Variants in CNTNAP2 observed in about 807,000 individuals in gnomAD.
The protein encoded by CNTNAP2 is contactin associated protein 2, also known as contactin-associated protein-like 2.
CNTNAP2 carries 98 observed loss-of-function variants against 155.2 expected under a neutral mutation model. The ratio of observed to expected loss-of-function variants is 0.63; its 90% CI spans 0.54 to 0.75. The LOEUF is 0.75. Ranked by LOEUF, CNTNAP2 falls within the 30% of genes least tolerant of loss-of-function variation. The pLI is 0.00. For missense variants in CNTNAP2, 1,727 were observed against 1,688.1 expected (o/e 1.02, Z -0.40); for synonymous variants, 651 against 631.2 (o/e 1.03, Z -0.47).
chr7:148,235,175 C>T lies in CNTNAP2; in HGVS notation c.3381+5396C>T, dbSNP rs192049555. 3.3e-3 allele frequency among the ~76,000 whole-genome samples: 498 copies of T among 152,242 alleles called. 2 individuals are homozygous for T. Among genetic ancestry groups the T allele is most frequent in the African/African-American group, 0.01 (436 of 41,540 alleles). On this transcript the variant is annotated intron_variant, in intron 20 of 23. Coordinates refer to ENST00000361727, the MANE Select transcript of CNTNAP2 (RefSeq NM_014141.6). ...TCTGTTCTTTAAAATAATATAAGCACGGTAATTTCTTACCTGCTACTAATC... is the reference window on the plus strand; with the variant it reads ...TCTGTTCTTTAAAATAATATAAGCATGGTAATTTCTTACCTGCTACTAATC...
intron 1 of CNTNAP2, among the ~76,000 whole-genome samples, chr7:146,609,716 A>G (rs1231483580): frequency 1.3e-5 from 2 of 152,232 alleles, no homozygotes; most frequent in Non-Finnish European, 2.9e-5. Flanking sequence ...TTTCTAGGTA[A>G]GTTTTATTCT....
intron 15 of CNTNAP2, among the ~76,000 whole-genome samples, chr7:148,114,109 G>A (rs1035086350): frequency 6.6e-6 from 1 of 152,152 alleles, no homozygotes; most frequent in Non-Finnish European, 1.5e-5. Context: ...TTGGTAGCAA[G>A]TACAAATTGC....
At chr7:147,505,983 A>G (rs2116678638) in intron 11 of CNTNAP2, among the ~76,000 whole-genome samples, 1 of 152,334 alleles carries the variant, frequency 6.6e-6, no homozygotes, top group Middle Eastern at 3.4e-3. Flanking sequence ...CGGCTCAAGC[A>G]TCACTTATCA....
chr7:147,834,696 T>C (rs1798606951), intron 13 of CNTNAP2, among the ~76,000 whole-genome samples: 1 of 152,124 alleles, frequency 6.6e-6, no homozygotes. Context: ...AGAATCACTT[T>C]CAATAGAAAA....
chr7:146,380,015 A>G (rs890590752), intron 1 of CNTNAP2, among the ~76,000 whole-genome samples: 2 of 152,218 alleles, frequency 1.3e-5, no homozygotes, highest in Non-Finnish European at 2.9e-5. Context: ...TTTTTCTAGA[A>G]CAAGAAAGTG....
In CNTNAP2 at chr7:148,294,298, A is replaced by T. The variant is rs535155294; in HGVS notation, c.3475+27172A>T. On this transcript the variant is annotated intron_variant, in intron 21 of 23. Coordinates refer to ENST00000361727, the MANE Select transcript of CNTNAP2 (RefSeq NM_014141.6). Reference sequence around the variant, plus strand: ...ATTGTCCTTTATTCATTCATTCAGAATATACTCTCTAAGCATCTATGTAAT... The same window carrying T: ...ATTGTCCTTTATTCATTCATTCAGATTATACTCTCTAAGCATCTATGTAAT... 5.9e-5 allele frequency among the ~76,000 whole-genome samples: 9 copies of T among 152,320 alleles called. No homozygotes were observed. The South Asian group carries it at 1.9e-3, about 32-fold the overall frequency.
At chr7:146,686,486 G>C (rs1402091355) in intron 1 of CNTNAP2, among the ~76,000 whole-genome samples, 1 of 152,042 alleles carries the variant, frequency 6.6e-6, no homozygotes, top group African/African-American at 2.4e-5. Flanking sequence ...ATATGTGCTA[G>C]CCACTGAGAT....
chr7:146,433,701 C>G (rs1294119541), intron 1 of CNTNAP2, among the ~76,000 whole-genome samples: 1 of 152,106 alleles, frequency 6.6e-6, no homozygotes, highest in Non-Finnish European at 1.5e-5. Context: ...GGTCCCTCAT[C>G]ACGCTGTGTT....
At chr7:146,937,275 C>T (rs559951582) in intron 3 of CNTNAP2, among the ~76,000 whole-genome samples, 20 of 150,778 alleles carry the variant, frequency 1.3e-4, no homozygotes, top group African/African-American at 4.1e-4. Flanking sequence ...CCTGTAGTCC[C>T]GGGAGGTGGA....
chr7:146,869,701 T>C (rs143770327), intron 3 of CNTNAP2, among the ~76,000 whole-genome samples: 204 of 152,104 alleles, frequency 1.3e-3, no homozygotes, highest in African/African-American at 4.5e-3. Flanking sequence ...CCAAAGAACT[T>C]GGGGTCTGAT....
intron 11 of CNTNAP2, among the ~76,000 whole-genome samples, chr7:147,493,313 C>T (rs1798641209): frequency 6.6e-6 from 1 of 152,164 alleles, no homozygotes; most frequent in African/African-American, 2.4e-5. Context: ...ATGGTATTAT[C>T]TAGTCAGGTT....
chr7:147,343,386 G>A (rs140552832), intron 9 of CNTNAP2, among the ~76,000 whole-genome samples: 9 of 152,116 alleles, frequency 5.9e-5, no homozygotes, highest in African/African-American at 1.7e-4. Context: ...TTTCCCCCTC[G>A]TAAAGCTGTG....
At chr7:147,967,405 G>C (rs2116850570) in intron 14 of CNTNAP2, among the ~76,000 whole-genome samples, 1 of 152,202 alleles carries the variant, frequency 6.6e-6, no homozygotes, top group African/African-American at 2.4e-5. Flanking sequence ...CTATTAACTG[G>C]TTGAATACCT....
chr7:148,097,847 A>G (rs908934483), intron 15 of CNTNAP2, among the ~76,000 whole-genome samples: 1 of 152,194 alleles, frequency 6.6e-6, no homozygotes, highest in Non-Finnish European at 1.5e-5. Context: ...AGGTGTCAAA[A>G]ACAGAGCAAA....
chr7:147,032,818 A>C (rs557174142), intron 3 of CNTNAP2, among the ~76,000 whole-genome samples: 10 of 152,140 alleles, frequency 6.6e-5, no homozygotes, highest in Admixed American at 5.2e-4. Flanking sequence ...CTTAGACTGG[A>C]GATAAATAAA....
intron 2 of CNTNAP2, among the ~76,000 whole-genome samples, chr7:146,815,881 G>A (rs1443604901): frequency 6.6e-6 from 1 of 152,024 alleles, no homozygotes; most frequent in Non-Finnish European, 1.5e-5. Context: ...TTTACATTAG[G>A]TATTTCTCTT....
rs548521902 is a variant in CNTNAP2 at position 146,978,338 on chromosome 7, G to A, written c.403-65569G>A. ...TTGACCCGGTCTTCAACCCAGCGCT[G>A]TGCCAGGCTGCACATGGAGGGCACC... On this transcript the variant is annotated intron_variant, in intron 3 of 23. Coordinates refer to ENST00000361727, the MANE Select transcript of CNTNAP2 (RefSeq NM_014141.6). 2.0e-5 allele frequency among the ~76,000 whole-genome samples: 3 copies of A among 152,172 alleles called. No homozygotes were observed. In the South Asian group the frequency reaches 6.2e-4, roughly 32 times the overall value.
At chr7:147,787,035 C>T (rs774364852) in intron 13 of CNTNAP2, among the ~76,000 whole-genome samples, 2 of 151,896 alleles carry the variant, frequency 1.3e-5, no homozygotes, top group African/African-American at 4.8e-5. Flanking sequence ...GAAGACAAGA[C>T]AAGACAAGAC....
chr7:148,055,498 G>A (rs1802989976), intron 15 of CNTNAP2, among the ~76,000 whole-genome samples: 1 of 152,186 alleles, frequency 6.6e-6, no homozygotes, highest in African/African-American at 2.4e-5. Flanking sequence ...CCTCCAGAGA[G>A]CTGTTTTATT....
Sources: allele counts gnomAD v4.1 joint callset (sites outside exome capture counted in the v4.1 genomes callset), GRCh38; gene constraint gnomAD v4.1.1; transcripts MANE v1.5; gene names NCBI Gene and HGNC (gene_info 2026-07-23, HGNC 2026-07-21).